Variants in LRP1B observed in about 807,000 individuals in gnomAD.
LRP1B encodes the protein low-density lipoprotein receptor-related protein 1B.
A neutral mutation model predicts 556.6 loss-of-function variants in LRP1B; 217 were observed. The observed-to-expected ratio is 0.39, with a 90% confidence interval of 0.35 to 0.44. The LOEUF (loss-of-function observed/expected upper bound fraction) is 0.44. LRP1B is among the 20% of genes least tolerant of loss of function. The pLI is 1.00. For synonymous variants in LRP1B, 2,047 were observed against 1,865.8 expected (o/e 1.10, Z -2.50); for missense variants, 5,053 against 5,620.8 (o/e 0.90, Z 3.23).
chr2:141,133,614 A>AT (rs112863098), intron 7 of LRP1B, among the ~76,000 whole-genome samples: 66 of 152,106 alleles, frequency 4.3e-4, no homozygotes, highest in African/African-American at 1.4e-3. Context: ...CACTGTTATT[A>AT]TTTTTTTAAA....
intron 21 of LRP1B, among the ~76,000 whole-genome samples, chr2:140,921,109 C>T (rs1457688082): frequency 6.6e-6 from 1 of 151,884 alleles, no homozygotes; most frequent in Non-Finnish European, 1.5e-5. Context: ...TATTTACATG[C>T]TTTGTCTGCA....
chr2:141,407,740 A>G (rs969177729), intron 3 of LRP1B, among the ~76,000 whole-genome samples: 4 of 152,162 alleles, frequency 2.6e-5, no homozygotes, highest in Non-Finnish European at 5.9e-5. Context: ...CATGTTTCCT[A>G]TAAGGCTTGA....
Position 140,313,330 on chromosome 2 carries a change from C to CA in LRP1B, c.12805+1604dup, listed in dbSNP as rs1684387677. Among the ~76,000 whole-genome samples, 3 of 151,718 alleles carry CA rather than the reference C, an allele frequency of 2.0e-5. No individual in the cohort carries two copies. In the South Asian group the frequency reaches 6.2e-4, roughly 31 times the overall value. On this transcript the variant is annotated intron_variant, in intron 83 of 90. Transcript: ENST00000389484. ...ATCAGGATACAATTGTGTGCACAGACAAAATCGAACTACAGATTTTGAGCA... is the reference window on the plus strand; with the variant it reads ...ATCAGGATACAATTGTGTGCACAGACAAAAATCGAACTACAGATTTTGAGCA...
intron 3 of LRP1B, among the ~76,000 whole-genome samples, chr2:141,404,933 C>T (rs368772729): frequency 2.0e-5 from 3 of 150,510 alleles, no homozygotes; most frequent in African/African-American, 4.9e-5. Context: ...TTAAAAAACA[C>T]GAAGAATAGT....
intron 66 of LRP1B, among the ~76,000 whole-genome samples, chr2:140,403,057 G>A (rs1335811438): frequency 6.6e-6 from 1 of 151,726 alleles, no homozygotes; most frequent in Non-Finnish European, 1.5e-5. Flanking sequence ...AAAAGCATCA[G>A]GAACCAAATT....
intron 35 of LRP1B, among the ~76,000 whole-genome samples, chr2:140,718,616 A>G (rs2105468873): frequency 6.6e-6 from 1 of 152,034 alleles, no homozygotes; most frequent in South Asian, 2.1e-4. Context: ...GAAATTCCCA[A>G]AGGAAAAAAA....
At chr2:140,850,368 G>C in intron 28 of LRP1B, 39 bp from the exon 29 acceptor site, 1 of 1,303,086 alleles carries the variant, frequency 7.7e-7, no homozygotes, top group South Asian at 1.3e-5. Flanking sequence ...TTATGAAGTT[G>C]GCAAGCTTGA....
At chr2:141,369,075 C>G (rs1051473437) in intron 3 of LRP1B, among the ~76,000 whole-genome samples, 1 of 152,012 alleles carries the variant, frequency 6.6e-6, no homozygotes, top group East Asian at 1.9e-4. Flanking sequence ...ATAATAATAT[C>G]AAGTAGTATC....
intron 1 of LRP1B, among the ~76,000 whole-genome samples, chr2:141,940,171 C>A (rs976713209): frequency 1.3e-5 from 2 of 151,866 alleles, no homozygotes; most frequent in Admixed American, 6.6e-5. Flanking sequence ...TCTACATGAA[C>A]AAAAGAAATG....
At chr2:141,334,322 G>A (rs1040261419) in intron 3 of LRP1B, among the ~76,000 whole-genome samples, 7 of 152,142 alleles carry the variant, frequency 4.6e-5, no homozygotes, top group African/African-American at 7.2e-5. Flanking sequence ...CACAAGATAC[G>A]GTTGTATACA....
intron 3 of LRP1B, among the ~76,000 whole-genome samples, chr2:141,343,696 G>C (rs1298249702): frequency 6.6e-6 from 1 of 152,174 alleles, no homozygotes; most frequent in Non-Finnish European, 1.5e-5. Flanking sequence ...CTGATGGGAA[G>C]AGGCACTATG....
At chr2:141,499,413 A>C (rs1020219697) in intron 2 of LRP1B, among the ~76,000 whole-genome samples, 6 of 152,074 alleles carry the variant, frequency 3.9e-5, no homozygotes. Context: ...TTACTTGTTC[A>C]CATTGGCCCT....
intron 2 of LRP1B, among the ~76,000 whole-genome samples, chr2:141,786,624 C>A (rs1695437128): frequency 6.6e-6 from 1 of 151,752 alleles, no homozygotes; most frequent in Non-Finnish European, 1.5e-5. Flanking sequence ...ACATGTCTGC[C>A]TTTGATTTCC....
chr2:140,945,446 C>T (rs981051756), intron 20 of LRP1B, among the ~76,000 whole-genome samples: 22 of 151,846 alleles, frequency 1.4e-4, no homozygotes, highest in African/African-American at 3.6e-4. Context: ...TCAGATTATC[C>T]AACTTCAAAC....
chr2:140,717,531 T>C (rs1255911695), intron 35 of LRP1B, among the ~76,000 whole-genome samples: 2 of 152,042 alleles, frequency 1.3e-5, no homozygotes, highest in Non-Finnish European at 2.9e-5. Context: ...GAATGAAAAA[T>C]GTGTCTAAAG....
At chr2:142,003,444 T>C (rs1702715608) in intron 1 of LRP1B, among the ~76,000 whole-genome samples, 1 of 152,118 alleles carries the variant, frequency 6.6e-6, no homozygotes, top group South Asian at 2.1e-4. Context: ...CCAACCACCC[T>C]TTCAGTGGAC....
At chr2:142,007,194 T>C (rs925228043) in intron 1 of LRP1B, among the ~76,000 whole-genome samples, 2 of 152,206 alleles carry the variant, frequency 1.3e-5, no homozygotes, top group Admixed American at 6.5e-5. Context: ...AGAAAAGATA[T>C]GGAATTTTCT....
At chr2:141,137,420 G>A (rs1701517730) in intron 7 of LRP1B, among the ~76,000 whole-genome samples, 1 of 151,826 alleles carries the variant, frequency 6.6e-6, no homozygotes, top group Non-Finnish European at 1.5e-5. Flanking sequence ...ATTCAAAGCT[G>A]TGCTTCTTGC....
At chr2:140,773,388 G>C in intron 33 of LRP1B, among the ~76,000 whole-genome samples, 1 of 152,044 alleles carries the variant, frequency 6.6e-6, no homozygotes, top group East Asian at 1.9e-4. Context: ...AGAACTGCTT[G>C]AACCCAGGAG....
Sources: allele counts gnomAD v4.1 joint callset (sites outside exome capture counted in the v4.1 genomes callset), GRCh38; gene constraint gnomAD v4.1.1; transcripts MANE v1.5; gene names NCBI Gene and HGNC (gene_info 2026-07-23, HGNC 2026-07-21).